Variants in GALNT16 observed in about 807,000 individuals in gnomAD.
GALNT16 encodes the protein UDP-GalNAc:polypeptide N-acetylgalactosaminyltransferase-like protein 1.
Under a neutral mutation model 76.1 loss-of-function variants are expected in GALNT16, and 40 were observed. The observed-to-expected ratio is 0.53, with a 90% CI of 0.41 to 0.68. The LOEUF (loss-of-function observed/expected upper bound fraction) is 0.68. Ranked by LOEUF, GALNT16 falls within the 30% of genes least tolerant of loss-of-function variation. The pLI is 0.00. For missense variants in GALNT16, 621 were observed against 731.9 expected, an observed-to-expected ratio of 0.85 and a Z score of 1.75; for synonymous variants, 276 against 285.2, an observed-to-expected ratio of 0.97 and a Z score of 0.32.
At chr14:69,377,055 A>G in the GALNT16 span, among the ~76,000 whole-genome samples, 3 of 152,178 alleles carry the variant, frequency 2.0e-5, no homozygotes, top group African/African-American at 7.2e-5. Context: ...GCCATGAGGA[A>G]TACTCCCGTG....
At chr14:69,362,328 G>A in the GALNT16 span, among the ~76,000 whole-genome samples, 74 of 152,216 alleles carry the variant, frequency 4.9e-4, no homozygotes, top group Non-Finnish European at 9.7e-4. Flanking sequence ...GTTCAGACCC[G>A]TGTGTACTCT....
chr14:69,385,960 G>T, the GALNT16 span, among the ~76,000 whole-genome samples: 10 of 152,212 alleles, frequency 6.6e-5, no homozygotes, highest in East Asian at 1.9e-3. Context: ...CTTCCTTAAT[G>T]ACTTCAAACA....
the GALNT16 span, among the ~76,000 whole-genome samples, chr14:69,377,769 T>G: frequency 2.6e-5 from 3 of 113,578 alleles, no homozygotes; most frequent in Non-Finnish European, 4.9e-5. Context: ...ATTGCACCAC[T>G]GCACTACAGC....
intron 1 of GALNT16, among the ~76,000 whole-genome samples, chr14:69,292,603 C>T (rs1414120840): frequency 2.6e-5 from 4 of 152,246 alleles, no homozygotes; most frequent in Non-Finnish European, 5.9e-5. Context: ...TAGCCAGCCT[C>T]CTGCCCCAGT....
intron 4 of GALNT16, 74 bp downstream of exon 4, chr14:69,325,478 C>T (rs775292944): frequency 5.4e-5 from 49 of 903,614 alleles, no homozygotes; most frequent in Non-Finnish European, 8.1e-5. Flanking sequence ...CCAAGGCAAG[C>T]ACCCTGAGGT....
intron 1 of GALNT16, among the ~76,000 whole-genome samples, chr14:69,319,193 G>A (rs993104755): frequency 6.6e-6 from 1 of 152,146 alleles, no homozygotes; most frequent in Non-Finnish European, 1.5e-5. Context: ...CCTAGGACAG[G>A]AGGCAACCCT....
chr14:69,369,714 C>T, the GALNT16 span, among the ~76,000 whole-genome samples: 2 of 152,216 alleles, frequency 1.3e-5, no homozygotes, highest in African/African-American at 2.4e-5. Context: ...AACACAACCA[C>T]CTCAGGGACT....
At chr14:69,282,576 C>T (rs2044558264) in intron 1 of GALNT16, among the ~76,000 whole-genome samples, 1 of 152,078 alleles carries the variant, frequency 6.6e-6, no homozygotes, top group African/African-American at 2.4e-5. Flanking sequence ...CCTGTATCTG[C>T]CTAAGTGCGG....
At position 69,324,697 on chromosome 14, in the gene GALNT16, C is replaced by T. The variant is rs371868909; in HGVS notation, c.341C>T (p.Pro114Leu). 11 of 1,603,928 alleles carry T rather than the reference C, an allele frequency of 6.9e-6. No individual in the cohort carries two copies. In the African/African-American group the frequency reaches 1.2e-4, roughly 18 times the overall value. ...PIRDTRHYSC[P>L]SVSYSSDLPA... ...CCTCTGTGCTCCCTTCTCAGCTGCCCATCTGTGTCCTACTCCTCGGACCTG... is the reference window on the plus strand; with the variant it reads ...CCTCTGTGCTCCCTTCTCAGCTGCCTATCTGTGTCCTACTCCTCGGACCTG... Residue 114 changes from proline to leucine, a missense_variant, in exon 3 of 15, where the codon CCA becomes CTA. Transcript: ENST00000448469.
At chr14:69,342,023 C>T (rs1256807474) in intron 12 of GALNT16, among the ~76,000 whole-genome samples, 1 of 152,212 alleles carries the variant, frequency 6.6e-6, no homozygotes, top group Non-Finnish European at 1.5e-5. Flanking sequence ...AACAACACTG[C>T]ATTACATAGC....
chr14:69,324,655 C>T (rs2045254477), intron 2 of GALNT16, 37 bp from the exon 3 acceptor site: 1 of 1,232,398 alleles, frequency 8.1e-7, no homozygotes, highest in East Asian at 2.3e-5. Flanking sequence ...TGAGGATGCC[C>T]TCATGGCTGG....
the GALNT16 span, among the ~76,000 whole-genome samples, chr14:69,370,440 G>A: frequency 6.6e-6 from 1 of 152,236 alleles, no homozygotes; most frequent in Admixed American, 6.5e-5. Context: ...CTATGGAGGA[G>A]TAAGGATCAT....
intron 1 of GALNT16, among the ~76,000 whole-genome samples, chr14:69,276,082 C>T (rs1026970210): frequency 3.3e-5 from 5 of 152,156 alleles, no homozygotes; most frequent in Admixed American, 6.5e-5. Flanking sequence ...AAGAATAGCA[C>T]GGGAAAGATG....
intron 1 of GALNT16, among the ~76,000 whole-genome samples, chr14:69,267,633 G>A (rs2044357418): frequency 3.9e-5 from 6 of 152,152 alleles, no homozygotes; most frequent in Admixed American, 2.0e-4. Flanking sequence ...AGAGTGGAGT[G>A]GCCCAGGATG....
chr14:69,363,228 G>C, the GALNT16 span, among the ~76,000 whole-genome samples: 1 of 152,172 alleles, frequency 6.6e-6, no homozygotes, highest in Admixed American at 6.5e-5. Context: ...CGTAGAGCAC[G>C]CATGGCCTTG....
At chr14:69,312,238 A>G (rs978664242) in intron 1 of GALNT16, among the ~76,000 whole-genome samples, 12 of 152,140 alleles carry the variant, frequency 7.9e-5, no homozygotes, top group Non-Finnish European at 1.5e-5. Context: ...GCAACAGAGC[A>G]AGACCCTATC....
At chr14:69,347,705 A>T (rs578068921) in intron 13 of GALNT16, among the ~76,000 whole-genome samples, 172 bp from the exon 14 acceptor site, 8 of 152,230 alleles carry the variant, frequency 5.3e-5, no homozygotes, top group Non-Finnish European at 1.5e-5. Flanking sequence ...TCAAACATAT[A>T]GAAAAATAGT....
At chr14:69,312,735 C>A (rs143380303) in intron 1 of GALNT16, among the ~76,000 whole-genome samples, 21 of 152,304 alleles carry the variant, frequency 1.4e-4, no homozygotes, top group African/African-American at 5.1e-4. Flanking sequence ...CAGCACTGGG[C>A]AAGTCCCTAT....
chr14:69,316,123 G>T (rs2045096508), intron 1 of GALNT16, among the ~76,000 whole-genome samples: 1 of 152,150 alleles, frequency 6.6e-6, no homozygotes. Flanking sequence ...GGTGTTGGTG[G>T]GACAGGGGAC....
Sources: gnomAD v4.1 joint callset for allele counts (sites outside exome capture counted in the v4.1 genomes callset) on GRCh38, gnomAD v4.1.1 for gene constraint, MANE v1.5 for transcripts, NCBI Gene and HGNC (gene_info 2026-07-23, HGNC 2026-07-21) for gene names.